Variants in ROS1 observed in about 807,000 individuals in gnomAD.
The protein encoded by ROS1 is ROS proto-oncogene 1, receptor tyrosine kinase.
Under a neutral mutation model 273.5 loss-of-function variants are expected in ROS1, and 263 were observed. That is an observed-to-expected ratio of 0.96 (90% confidence interval 0.87 to 1.06). The LOEUF is 1.06. Ranked by LOEUF, ROS1 falls within the 50% of genes least tolerant of loss-of-function variation. The pLI, the probability that ROS1 is intolerant of heterozygous loss-of-function variation, is 0.00. For missense variants in ROS1, 2,833 were observed against 2,751.1 expected (o/e 1.03, Z -0.67); for synonymous variants, 1,008 against 954.1 (o/e 1.06, Z -1.04).
intron 14 of ROS1, among the ~76,000 whole-genome samples, 200 bp from the exon 15 acceptor site, chr6:117,387,199 T>C (rs1356197039): frequency 1.3e-5 from 2 of 152,242 alleles, no homozygotes; most frequent in Non-Finnish European, 2.9e-5. Context: ...ACATACTTTC[T>C]GATTTTCACA....
intron 25 of ROS1, 151 bp downstream of exon 25, chr6:117,357,653 A>G (rs2128645373): frequency 1.8e-6 from 1 of 541,768 alleles, no homozygotes; most frequent in Non-Finnish European, 3.2e-6. Context: ...CCTAATTTAT[A>G]TGAAGAACTA....
rs750981644 is a variant in ROS1 at position 117,403,245 on chromosome 6, G to A, written c.498C>T (p.Pro166=). Residue 166 remains proline, a synonymous_variant, in exon 7 of 44, where the codon CCC becomes CCT. Coordinates refer to ENST00000368507, the MANE Select transcript of ROS1 (RefSeq NM_001378902.1). The stretch of plus-strand genomic sequence containing the variant: ...AAATGTACTCAGTGAAGGGGTGCAG[G>A]GGCTTGACCACATAGGACGGTCTGG... ...TVSRPSYVVK[P]LHPFTEYIFR... is the part of the protein sequence containing the mutation. 6 of 1,611,858 alleles carry A rather than the reference G, an allele frequency of 3.7e-6. No homozygotes were observed. The South Asian group carries it at 5.5e-5, about 15-fold the overall frequency.
At chr6:117,351,725 T>C (rs982719877) in intron 27 of ROS1, among the ~76,000 whole-genome samples, 7 of 152,220 alleles carry the variant, frequency 4.6e-5, no homozygotes, top group African/African-American at 1.7e-4. Flanking sequence ...ACTTCTCTTG[T>C]GGATCCAAGA....
chr6:117,422,898 A>C (rs1775861854), intron 1 of ROS1, among the ~76,000 whole-genome samples: 1 of 152,098 alleles, frequency 6.6e-6, no homozygotes, highest in Non-Finnish European at 1.5e-5. Context: ...ATATACATAG[A>C]TACCTAGGAA....
chr6:117,421,479 T>C (rs1193209624), intron 1 of ROS1, among the ~76,000 whole-genome samples: 3 of 152,056 alleles, frequency 2.0e-5, no homozygotes, highest in African/African-American at 7.2e-5. Flanking sequence ...ACCCATAGCT[T>C]AGCTACCACT....
chr6:117,314,157 A>C (rs564680122), intron 39 of ROS1, among the ~76,000 whole-genome samples: 53 of 152,272 alleles, frequency 3.5e-4, no homozygotes, highest in African/African-American at 1.3e-3. Flanking sequence ...TTATTGTTTA[A>C]GATGAGGGAT....
At chr6:117,320,109 T>A (rs2128559454) in intron 36 of ROS1, 79 bp from the exon 37 acceptor site, 1 of 1,254,584 alleles carries the variant, frequency 8.0e-7, no homozygotes, top group Non-Finnish European at 1.1e-6. Context: ...TTGGTATTTG[T>A]GTTTGAGAGA....
rs756221337 is a variant in ROS1, at chr6:117,359,804, AAT to A, written c.3633+3_3633+4del. The A allele has an allele frequency of 4.3e-6, 7 of 1,610,938 alleles. No homozygotes were observed. The highest frequency in any genetic ancestry group is 1.3e-5 in the African/African-American group (1 of 74,846). ...TTATTTCGGAAGAATTACATAGTGA[AAT>A]ACCTCAGAGCTAGAGCGATTGTGCA... is the stretch of plus-strand genomic sequence containing the variant. On this transcript the variant is annotated splice_donor_region_variant and intron_variant, in intron 24 of 43. Coordinates refer to ENST00000368507, the MANE Select transcript of ROS1 (RefSeq NM_001378902.1).
At chr6:117,335,006 T>G (rs192528192) in intron 32 of ROS1, among the ~76,000 whole-genome samples, 45 of 152,244 alleles carry the variant, frequency 3.0e-4, no homozygotes, top group African/African-American at 9.6e-4. Flanking sequence ...CTAACTAAAC[T>G]AAAGAGCTTC....
intron 32 of ROS1, among the ~76,000 whole-genome samples, chr6:117,335,431 C>T (rs1254918026): frequency 1.3e-5 from 2 of 152,036 alleles, no homozygotes; most frequent in Non-Finnish European, 2.9e-5. Context: ...GACAGTATGG[C>T]AATTCCTCAA....
At chr6:117,405,315 G>A (rs1332238215) in intron 5 of ROS1, among the ~76,000 whole-genome samples, 1 of 152,152 alleles carries the variant, frequency 6.6e-6, no homozygotes, top group East Asian at 1.9e-4. Context: ...AAAAATCAAG[G>A]CCATTGTCAT....
chr6:117,359,919 C>T lies in ROS1; in HGVS notation c.3523G>A (p.Ala1175Thr), dbSNP rs887790221. 2.5e-6 allele frequency: 4 copies of T among 1,613,734 alleles called. No individual in the cohort carries two copies. Among genetic ancestry groups the T allele is most frequent in the African/African-American group, 2.7e-5 (2 of 74,886 alleles). Residue 1175 changes from alanine to threonine, a missense_variant, in exon 24 of 44, where the codon GCA (alanine) becomes ACA (threonine). Transcript: ENST00000368507. ...DQNQVVWTFS[A>T]ERVISAVCYT... Reference sequence around the variant, plus strand: ...CAAACGGCACTGATAACTCTTTCTGCTGAAAACGTCCACACAACTTGATTT... The same window carrying T: ...CAAACGGCACTGATAACTCTTTCTGTTGAAAACGTCCACACAACTTGATTT...
intron 36 of ROS1, 47 bp downstream of exon 36, chr6:117,321,212 C>A (rs2128562978): frequency 1.3e-6 from 2 of 1,596,232 alleles, no homozygotes; most frequent in East Asian, 4.5e-5. Context: ...CTTACTGTTG[C>A]CCACCCTTTG....
Position 117,362,717 on chromosome 6 carries a change from G to A in ROS1, c.3252C>T (p.Ser1084=), listed in dbSNP as rs756159351. The A allele has an allele frequency of 6.2e-7, 1 of 1,613,494 alleles. No homozygotes were observed. The highest frequency in any genetic ancestry group is 1.3e-5 in the African/African-American group (1 of 74,978). ...ATGTTTTGTTTGTAATACTTTGATT[G>A]GATATATTGTAGAAAATTTCAAATT... ...LTKFEIFYNI[S]NQSITNKTCE... The change falls in exon 22 of 44, where the codon TCC becomes TCT. Residue 1084 remains serine (S), a synonymous_variant. Coordinates refer to ENST00000368507, the MANE Select transcript of ROS1 (RefSeq NM_001378902.1).
chr6:117,296,180 T>C (rs1738792574), intron 43 of ROS1, among the ~76,000 whole-genome samples: 1 of 152,082 alleles, frequency 6.6e-6, no homozygotes, highest in South Asian at 2.1e-4. Context: ...GGCGGATCAC[T>C]TGAGGTCAGG....
At chr6:117,357,732 A>G (rs976876716) in intron 25 of ROS1, 72 bp downstream of exon 25, 1 of 1,051,076 alleles carries the variant, frequency 9.5e-7, no homozygotes, top group Non-Finnish European at 1.4e-6. Flanking sequence ...CTACTATTAA[A>G]CCAAAGACAT....
chr6:117,333,853 TAAG>T lies in ROS1; in HGVS notation c.5230+3316_5230+3318del, dbSNP rs556760662. On this transcript the variant is annotated intron_variant, in intron 32 of 43. Transcript: ENST00000368507. ...TTTTATGGAACATATCTCTAAATAA[TAAG>T]AACTATTTATGACAAACCTACAGCC... Among the ~76,000 whole-genome samples, 457 of 152,242 alleles carry T rather than the reference TAAG, an allele frequency of 3.0e-3. 1 individual carries two copies. The highest frequency in any genetic ancestry group is 0.011 in the African/African-American group (437 of 41,526).
intron 7 of ROS1, among the ~76,000 whole-genome samples, chr6:117,402,693 G>C (rs1348363832): frequency 6.6e-6 from 1 of 152,082 alleles, no homozygotes; most frequent in Non-Finnish European, 1.5e-5. Flanking sequence ...TACAAGACCA[G>C]CCTGGCCAGC....
chr6:117,410,238 T>C (rs1212876166), intron 4 of ROS1, among the ~76,000 whole-genome samples: 1 of 152,200 alleles, frequency 6.6e-6, no homozygotes, highest in African/African-American at 2.4e-5. Context: ...ATCGTATGGT[T>C]TGAAAAAACA....
Sources: gnomAD v4.1 joint callset for allele counts (sites outside exome capture counted in the v4.1 genomes callset) on GRCh38, gnomAD v4.1.1 for gene constraint, MANE v1.5 for transcripts, NCBI Gene and HGNC (gene_info 2026-07-23, HGNC 2026-07-21) for gene names.